GRID2: variants seen among roughly 807,000 people sequenced by gnomAD.
GRID2 encodes the protein glutamate receptor ionotropic, delta-2.
A neutral mutation model predicts 114.8 loss-of-function variants in GRID2; 33 were observed. The ratio of observed to expected loss-of-function variants is 0.29; its 90% CI spans 0.22 to 0.38. The LOEUF (loss-of-function observed/expected upper bound fraction) is 0.38, where lower values mean the gene tolerates loss of function less well. Ranked by LOEUF, GRID2 falls within the 10% of genes least tolerant of loss-of-function variation. The probability of loss-of-function intolerance (pLI) is 1.00; values close to 1 mark genes in which losing one functional copy is unlikely to be tolerated. For missense variants in GRID2, 1,184 were observed against 1,257.7 expected (o/e 0.94, Z 0.89); for synonymous variants, 505 against 449.9 (o/e 1.12, Z -1.55).
chr4:93,484,307 C>T (rs1726165620), intron 11 of GRID2, among the ~76,000 whole-genome samples: 2 of 151,916 alleles, frequency 1.3e-5, no homozygotes, highest in Admixed American at 1.3e-4. Context: ...GGATCATCAA[C>T]ACTGCCATTC....
intron 4 of GRID2, among the ~76,000 whole-genome samples, chr4:93,190,550 T>C (rs1451366779): frequency 6.6e-6 from 1 of 152,174 alleles, no homozygotes; most frequent in East Asian, 1.9e-4. Context: ...CTCTCAACCC[T>C]AAAAATGTCC....
intron 4 of GRID2, among the ~76,000 whole-genome samples, chr4:93,189,921 A>G (rs1270042985): frequency 6.6e-6 from 1 of 151,996 alleles, no homozygotes; most frequent in African/African-American, 2.4e-5. Flanking sequence ...TTACCTCTTC[A>G]TCTAGTGGTA....
intron 1 of GRID2, among the ~76,000 whole-genome samples, chr4:92,476,414 G>A (rs1222966300): frequency 2.0e-5 from 3 of 151,532 alleles, no homozygotes; most frequent in African/African-American, 7.3e-5. Flanking sequence ...ACAATCTAAT[G>A]TAGTAGATTC....
chr4:92,831,568 A>G (rs1379418316), intron 2 of GRID2, among the ~76,000 whole-genome samples: 1 of 152,010 alleles, frequency 6.6e-6, no homozygotes, highest in African/African-American at 2.4e-5. Context: ...TATCTATAAA[A>G]TGATTCCAGG....
intron 4 of GRID2, among the ~76,000 whole-genome samples, chr4:93,113,028 G>A (rs1452782629): frequency 1.3e-5 from 2 of 152,090 alleles, no homozygotes; most frequent in African/African-American, 4.8e-5. Context: ...TTGAGAAGGA[G>A]GTAGTGATGG....
intron 2 of GRID2, among the ~76,000 whole-genome samples, chr4:92,628,556 C>G (rs1001782300): frequency 6.6e-6 from 1 of 152,130 alleles, no homozygotes; most frequent in African/African-American, 2.4e-5. Flanking sequence ...CAGGGTTTCA[C>G]CGTGTTGCCC....
chr4:92,533,964 ATATTTG>A (rs1725481397), intron 1 of GRID2, among the ~76,000 whole-genome samples: 1 of 152,036 alleles, frequency 6.6e-6, no homozygotes, highest in African/African-American at 2.4e-5. Flanking sequence ...TTTTAGAAGT[ATATTTG>A]TATTCTAAAT....
At chr4:93,326,528 G>A (rs367841027) in intron 8 of GRID2, among the ~76,000 whole-genome samples, 5 of 151,638 alleles carry the variant, frequency 3.3e-5, no homozygotes, top group African/African-American at 1.2e-4. Context: ...TAGAAGGAGA[G>A]TAAACTTCTC....
chr4:93,605,216 A>C (rs941052852), intron 13 of GRID2, among the ~76,000 whole-genome samples: 1 of 152,208 alleles, frequency 6.6e-6, no homozygotes, highest in Non-Finnish European at 1.5e-5. Flanking sequence ...TTTAAATTTA[A>C]ATGTGTTAAA....
intron 2 of GRID2, among the ~76,000 whole-genome samples, chr4:92,919,310 A>T (rs1749099234): frequency 1.3e-5 from 2 of 151,894 alleles, no homozygotes; most frequent in South Asian, 2.1e-4. Flanking sequence ...CAGCTCCTGG[A>T]TTCATTGATT....
At chr4:93,024,857 G>T (rs1723740135) in intron 2 of GRID2, among the ~76,000 whole-genome samples, 2 of 151,768 alleles carry the variant, frequency 1.3e-5, no homozygotes, top group South Asian at 2.1e-4. Flanking sequence ...TGTCAGTGGA[G>T]ATTAAATAAC....
chr4:92,735,512 A>G (rs2149327477), intron 2 of GRID2, among the ~76,000 whole-genome samples: 1 of 152,236 alleles, frequency 6.6e-6, no homozygotes, highest in South Asian at 2.1e-4. Context: ...AAAACTGCAG[A>G]TGGGATGGGG....
chr4:93,194,367 A>G (rs1332365376), intron 4 of GRID2, among the ~76,000 whole-genome samples: 1 of 152,188 alleles, frequency 6.6e-6, no homozygotes, highest in Admixed American at 6.5e-5. Context: ...ATAACACTTT[A>G]GTGTGTTTTA....
intron 2 of GRID2, among the ~76,000 whole-genome samples, chr4:92,708,997 T>A (rs998806182): frequency 6.6e-6 from 1 of 152,136 alleles, no homozygotes; most frequent in African/African-American, 2.4e-5. Context: ...TTGGTGCTTC[T>A]TGGGCCAGGA....
chr4:93,278,219 CTG>C (rs945532899), intron 8 of GRID2, among the ~76,000 whole-genome samples: 1 of 151,120 alleles, frequency 6.6e-6, no homozygotes, highest in African/African-American at 2.4e-5. Flanking sequence ...ATGTTAAAAA[CTG>C]AGAAAACCAC....
At chr4:93,727,909 A>G (rs1181793287) in intron 14 of GRID2, among the ~76,000 whole-genome samples, 1 of 151,930 alleles carries the variant, frequency 6.6e-6, no homozygotes, top group African/African-American at 2.4e-5. Flanking sequence ...GCAGTCTATC[A>G]ATTTTGTTGA....
intron 2 of GRID2, among the ~76,000 whole-genome samples, chr4:93,013,530 C>CA (rs1560795386): frequency 3.3e-5 from 5 of 151,168 alleles, no homozygotes; most frequent in Admixed American, 6.6e-5. Flanking sequence ...ATATATATAC[C>CA]CACACACACA....
At chr4:93,601,118 T>C (rs1739635314) in intron 13 of GRID2, among the ~76,000 whole-genome samples, 1 of 152,198 alleles carries the variant, frequency 6.6e-6, no homozygotes, top group Non-Finnish European at 1.5e-5. Context: ...TCATTGAATT[T>C]GAGACTCAAA....
intron 2 of GRID2, among the ~76,000 whole-genome samples, chr4:93,070,186 G>T (rs186114138): frequency 6.6e-6 from 1 of 152,028 alleles, no homozygotes; most frequent in Non-Finnish European, 1.5e-5. Context: ...TGAGTGAAAA[G>T]CTGTCTTTTG....
Sources: allele counts gnomAD v4.1 joint callset (sites outside exome capture counted in the v4.1 genomes callset), GRCh38; gene constraint gnomAD v4.1.1; transcripts MANE v1.5; gene names NCBI Gene and HGNC (gene_info 2026-07-23, HGNC 2026-07-21).